DDX49: variants seen among roughly 807,000 people sequenced by gnomAD.
DDX49 encodes DEAD-box helicase 49.
A neutral mutation model predicts 56.3 loss-of-function variants in DDX49; 50 were observed. The ratio of observed to expected loss-of-function variants is 0.89; its 90% CI spans 0.71 to 1.12. The LOEUF is 1.12. Among genes scored for constraint, DDX49 ranks in the 50% most tolerant of loss-of-function variants. The pLI is 0.00. For synonymous variants in DDX49, 269 were observed against 270.6 expected, an observed-to-expected ratio of 0.99 and a Z score of 0.06; for missense variants, 614 against 650.5, an observed-to-expected ratio of 0.94 and a Z score of 0.61.
chr19:18,928,328 C>A lies in DDX49; in HGVS notation c.*12C>A. On this transcript the variant is annotated 3_prime_UTR_variant, in exon 13 of 13. Transcript: ENST00000247003. ...AGGGCCTGGTCTGAGCCCCACACGG[C>A]CATCTGCCCAGTCCTTGACTCGTCC... The A allele has an allele frequency of 1.3e-6, 2 of 1,515,770 alleles. No homozygotes were observed. The highest frequency in any genetic ancestry group is 8.8e-7 in the Non-Finnish European group (1 of 1,133,198). 93.9% of individuals were successfully genotyped at this position (1,515,770 alleles called of 1,614,324 possible).
intron 4 of DDX49, 55 bp downstream of exon 4, chr19:18,922,019 C>A: frequency 6.4e-7 from 1 of 1,557,934 alleles, no homozygotes. Context: ...GCCTCCAGGC[C>A]CAATGTCAGA....
Position 18,919,838 on chromosome 19 carries a change from A to T in DDX49, c.97A>T (p.Ile33Phe). ...KQPTPVQLGC[I>F]PAILEGRDCL... is the part of the protein sequence containing the mutation. ...GCCCACGCCCGTGCAGCTCGGCTGCATCCCCGCCATCCTGGAGGGTGAGTA... is the reference window on the plus strand; with the variant it reads ...GCCCACGCCCGTGCAGCTCGGCTGCTTCCCCGCCATCCTGGAGGGTGAGTA... The change falls in exon 1 of 13, where the codon ATC becomes TTC. Residue 33 changes from isoleucine to phenylalanine, a missense_variant. Transcript: ENST00000247003. 6.2e-7 allele frequency: 1 copy of T among 1,602,238 alleles called. No individual in the cohort carries two copies. Among genetic ancestry groups the T allele is most frequent in the South Asian group, 1.1e-5 (1 of 90,840 alleles).
rs1312814291 is a variant in DDX49 at position 18,919,719 on chromosome 19, G to A, written c.-23G>A. On this transcript the variant is annotated 5_prime_UTR_variant, in exon 1 of 13. Coordinates refer to ENST00000247003, the MANE Select transcript of DDX49 (RefSeq NM_019070.5). ...GCGGATCACACGGGCCCCTACAAGGGGCCCCTACAAGCGGCCACAAGGATG... is the reference window on the plus strand; with the variant it reads ...GCGGATCACACGGGCCCCTACAAGGAGCCCCTACAAGCGGCCACAAGGATG... The A allele has an allele frequency of 1.9e-6, 3 of 1,593,254 alleles. No homozygotes were observed. The highest frequency in any genetic ancestry group is 2.3e-5 in the East Asian group (1 of 44,294).
At position 18,922,494 on chromosome 19, in the gene DDX49, T is replaced by G. The variant is rs1236574403; in HGVS notation, c.616T>G (p.Phe206Val). ...LQGLATNQPFFWEAQAPVSTV... is the reference protein window; with the variant it reads ...LQGLATNQPFVWEAQAPVSTV... ...GGGTCTGGCCACCAACCAGCCCTTC[T>G]TCTGGGAAGCACAGGCCCCGTGAGT... is the stretch of plus-strand genomic sequence containing the variant. Residue 206 changes from phenylalanine (F) to valine (V), a missense_variant, in exon 5 of 13, where the codon TTC becomes GTC. Phe to Val is a conservative substitution (Grantham distance 50). Coordinates refer to ENST00000247003, the MANE Select transcript of DDX49 (RefSeq NM_019070.5). 1.2e-6 allele frequency: 2 copies of G among 1,600,618 alleles called. No homozygotes were observed. The highest frequency in any genetic ancestry group is 2.7e-5 in the African/African-American group (2 of 74,798).
chr19:18,928,002 TCAA>T lies in DDX49; in HGVS notation c.1233_1235del (p.Asn411del). 3.7e-6 allele frequency: 6 copies of T among 1,612,352 alleles called. No homozygotes were observed. The highest frequency in any genetic ancestry group is 5.1e-6 in the Non-Finnish European group (6 of 1,179,676). On this transcript the variant is annotated inframe_deletion, in exon 12 of 13. Coordinates refer to ENST00000247003, the MANE Select transcript of DDX49 (RefSeq NM_019070.5). Reference sequence around the variant, plus strand: ...GCCCACTTTGACGAAAAGAAGGAGATCAACAAACGGAAGCAGCTGATCCTGGAG... The same window carrying T: ...GCCCACTTTGACGAAAAGAAGGAGATCAAACGGAAGCAGCTGATCCTGGAG...
Position 18,928,110 on chromosome 19 carries a change from T to C in DDX49, c.1264-18T>C, listed in dbSNP as rs757825377. On this transcript the variant is annotated intron_variant, in intron 12 of 12. Transcript: ENST00000247003. ...GGGGGCCGCCAGCTCAGCCATCCCC[T>C]GGTCCTCCCTGTGCCAGGACCCTGA... 1 of 1,599,158 alleles carries C rather than the reference T, an allele frequency of 6.3e-7. No individual in the cohort carries two copies. The highest frequency in any genetic ancestry group is 1.1e-5 in the South Asian group (1 of 90,806).
At chr19:18,924,796 G>C (rs1317723841) in intron 8 of DDX49, 86 bp from the exon 9 acceptor site, 1 of 1,612,510 alleles carries the variant, frequency 6.2e-7, no homozygotes, top group East Asian at 2.2e-5. Flanking sequence ...GGCAGCCCTA[G>C]CATCCCTGCT....
chr19:18,924,416 C>T (rs1439398038), intron 7 of DDX49, 108 bp downstream of exon 7: 3 of 1,181,158 alleles, frequency 2.5e-6, no homozygotes, highest in Non-Finnish European at 3.7e-6. Context: ...GCCACCTGGT[C>T]TCTTCTGGTC....
intron 2 of DDX49, 136 bp downstream of exon 2, chr19:18,920,839 C>T (rs1448510252): frequency 1.1e-6 from 1 of 912,132 alleles, no homozygotes; most frequent in South Asian, 2.0e-5. Context: ...CTTAGGGGTC[C>T]TGCAGAATTA....
intron 10 of DDX49, among the ~76,000 whole-genome samples, chr19:18,927,070 CAAAAAAAAAAAAAA>C (rs35034273): frequency 1.3e-5 from 1 of 74,782 alleles, no homozygotes; most frequent in East Asian, 4.9e-4. Context: ...GACTCTGTCT[CAAAAAAAAAAAAAA>C]AAAAAAAAAG....
intron 9 of DDX49, among the ~76,000 whole-genome samples, chr19:18,925,970 G>A (rs1215987955): frequency 1.3e-5 from 2 of 152,258 alleles, no homozygotes; most frequent in African/African-American, 4.8e-5. Context: ...ACAGAAAACA[G>A]CAAGCAGAGA....
In DDX49 at chr19:18,920,866, T is replaced by C. The variant is rs754035877; in HGVS notation, c.239+163T>C. ...GCAGAATTAAACAAGATGGCCCCGG[T>C]GCAGTGGCTCACACCTGTAATCCCA... On this transcript the variant is annotated intron_variant, in intron 2 of 12. Coordinates refer to ENST00000247003, the MANE Select transcript of DDX49 (RefSeq NM_019070.5). 1.4e-5 allele frequency: 9 copies of C among 641,876 alleles called. No homozygotes were observed. The South Asian group carries it at 1.6e-4, about 12-fold the overall frequency. The allele number at this position is 641,876 out of a possible 1,614,324, so 39.8% of individuals were successfully genotyped here. A position where few individuals can be genotyped will look rare whatever the true frequency, so the allele number is the denominator to read the frequency against.
chr19:18,925,760 TTCTGAAGCCAGGAAAGATGTGG>T (rs1293412235), intron 9 of DDX49, among the ~76,000 whole-genome samples: 1 of 152,056 alleles, frequency 6.6e-6, no homozygotes, highest in Non-Finnish European at 1.5e-5. Flanking sequence ...ATGCTGTCAG[TTCTGAAGCCAGGAAAGATGTGG>T]TTGCTGGGGT....
Position 18,922,673 on chromosome 19 carries a change from G to T in DDX49, c.705G>T (p.Leu235=), listed in dbSNP as rs370201072. 6.2e-7 allele frequency: 1 copy of T among 1,613,956 alleles called. No homozygotes were observed. ...CTGAGAAGGTCAAGGACGCCTACCT[G>T]GTCCACCTGATCCAGCGCTTCCAGG... ...LVPEKVKDAY[L]VHLIQRFQDE... Residue 235 remains leucine (L), a synonymous_variant, in exon 6 of 13, where the codon CTG becomes CTT. Transcript: ENST00000247003.
At chr19:18,926,442 G>A in intron 10 of DDX49, 65 bp downstream of exon 10, 2 of 1,215,894 alleles carry the variant, frequency 1.6e-6, no homozygotes, top group Middle Eastern at 2.9e-4. Flanking sequence ...GGCACCTCGG[G>A]GTGAGACCCA....
rs1390604035 is a variant in DDX49 at position 18,924,297 on chromosome 19, A to G, written c.841A>G (p.Met281Val). The change falls in exon 7 of 13, where the codon ATG becomes GTG. Residue 281 changes from methionine (M) to valine (V), a missense_variant. Met to Val is a conservative substitution (Grantham distance 21). Transcript: ENST00000247003. ...FSFPTVALHSMMKQKERFAAL... is the reference protein window; with the variant it reads ...FSFPTVALHSVMKQKERFAAL... ...CTTCCCCACCGTGGCTCTGCACTCC[A>G]TGATGAAGCAGGTGAGGCCACCCTG... The G allele has an allele frequency of 3.7e-6, 6 of 1,613,602 alleles. No individual in the cohort carries two copies. The highest frequency in any genetic ancestry group is 1.7e-5 in the Admixed American group (1 of 59,994).
intron 4 of DDX49, 23 bp from the exon 5 acceptor site, chr19:18,922,303 C>A (rs1236518623): frequency 6.2e-7 from 1 of 1,603,360 alleles, no homozygotes; most frequent in Admixed American, 1.7e-5. Context: ...GCACCCTCAC[C>A]CCTGCCCCCA....
chr19:18,923,119 T>C (rs1029531726), intron 6 of DDX49, among the ~76,000 whole-genome samples: 5 of 152,134 alleles, frequency 3.3e-5, no homozygotes, highest in Admixed American at 6.6e-5. Flanking sequence ...GCAGTTCATA[T>C]CTTCATTGAA....
At chr19:18,928,066 G>C (rs768624899) in intron 12 of DDX49, 30 bp downstream of exon 12, 1 of 1,613,420 alleles carries the variant, frequency 6.2e-7, no homozygotes, top group Admixed American at 1.7e-5. Flanking sequence ...GTAGGGGGTG[G>C]GTGGCCAGGT....
Sources: allele counts gnomAD v4.1 joint callset (sites outside exome capture counted in the v4.1 genomes callset), GRCh38; gene constraint gnomAD v4.1.1; transcripts MANE v1.5; gene names NCBI Gene and HGNC (gene_info 2026-07-23, HGNC 2026-07-21).